Variants in SMARCA1 observed in about 807,000 individuals in gnomAD.
The protein encoded by SMARCA1 is SWI/SNF-related matrix-associated actin-dependent regulator of chromatin subfamily A member 1.
SMARCA1 carries 17 observed loss-of-function variants against 93.6 expected under a neutral mutation model. That is an observed-to-expected ratio of 0.18 (90% confidence interval 0.12 to 0.27). The LOEUF (loss-of-function observed/expected upper bound fraction) is 0.27, where lower values mean the gene tolerates loss of function less well. Among genes scored for constraint, SMARCA1 ranks in the 10% least tolerant of loss-of-function variants. The probability of loss-of-function intolerance (pLI) is 1.00; values close to 1 mark genes in which losing one functional copy is unlikely to be tolerated. For missense variants in SMARCA1, 630 were observed against 819.0 expected (o/e 0.77, Z 2.82); for synonymous variants, 271 against 271.4 (o/e 1.00, Z 0.01).
chrX:129,517,741 A>C (rs749180191), intron 2 of SMARCA1, among the ~76,000 whole-genome samples: 1 of 111,398 alleles, frequency 9.0e-6, no homozygotes, highest in Non-Finnish European at 1.9e-5. Context: ...ATCCAAGGTT[A>C]TAAGAGTTTA....
intron 6 of SMARCA1, among the ~76,000 whole-genome samples, chrX:129,509,267 T>G (rs2124328636): frequency 9.0e-6 from 1 of 111,281 alleles, no homozygotes; most frequent in South Asian, 3.8e-4. Context: ...AAGTCTTTAT[T>G]TCATAATTCA....
intron 1 of SMARCA1, among the ~76,000 whole-genome samples, chrX:129,522,418 G>C (rs1432734209): frequency 9.2e-6 from 1 of 109,172 alleles, no homozygotes; most frequent in Non-Finnish European, 1.9e-5. Context: ...AGGGACCATT[G>C]GGGTGGCCCT....
chrX:129,498,505 T>C lies in SMARCA1; in HGVS notation c.1278-434A>G, dbSNP rs757455073. On this transcript the variant is annotated intron_variant, in intron 10 of 24. Coordinates refer to ENST00000371121, the MANE Select transcript of SMARCA1 (RefSeq NM_001282874.2). ...ACCCCCACAGAGACTTACATATATA[T>C]ATACACCCGATCAATGATAATATGT... Among the ~76,000 whole-genome samples, 11 of 111,657 alleles carry C rather than the reference T, an allele frequency of 9.9e-5. No homozygotes were observed. In the Admixed American group the frequency reaches 1.0e-3, roughly 11 times the overall value.
intron 23 of SMARCA1, among the ~76,000 whole-genome samples, chrX:129,462,450 T>C (rs1267461341): frequency 8.9e-6 from 1 of 111,979 alleles, no homozygotes. Flanking sequence ...TCCATTTCTA[T>C]AATTTCCTAA....
At chrX:129,514,190 G>A (rs1362261843) in intron 5 of SMARCA1, among the ~76,000 whole-genome samples, 1 of 111,740 alleles carries the variant, frequency 8.9e-6, no homozygotes, top group Non-Finnish European at 1.9e-5. Context: ...GGTGGCGGGC[G>A]CCTGTAGTCC....
chrX:129,478,668 A>G (rs1933499016), intron 19 of SMARCA1, among the ~76,000 whole-genome samples: 1 of 112,162 alleles, frequency 8.9e-6, no homozygotes, highest in African/African-American at 3.2e-5. Flanking sequence ...TTTATATTCA[A>G]ACCAGACCGG....
intron 6 of SMARCA1, among the ~76,000 whole-genome samples, chrX:129,510,917 A>T (rs1309968069): frequency 1.8e-5 from 2 of 111,321 alleles, no homozygotes; most frequent in East Asian, 5.6e-4. Context: ...GTTAAATTTA[A>T]ATAAATTTAA....
intron 1 of SMARCA1, among the ~76,000 whole-genome samples, 159 bp downstream of exon 1, chrX:129,523,038 C>A (rs1780967946): frequency 9.0e-6 from 1 of 111,639 alleles, no homozygotes; most frequent in Non-Finnish European, 1.9e-5. Flanking sequence ...GGGAGGGGAG[C>A]GAACGCCAGG....
intron 19 of SMARCA1, among the ~76,000 whole-genome samples, chrX:129,475,046 A>G (rs1249332247): frequency 9.0e-6 from 1 of 110,602 alleles, no homozygotes; most frequent in African/African-American, 3.3e-5. Flanking sequence ...TTTTCTTTAT[A>G]AATTACCCAG....
chrX:129,523,434 T>G lies in SMARCA1; in HGVS notation c.-64A>C, dbSNP rs1811292810. On this transcript the variant is annotated 5_prime_UTR_variant, in exon 1 of 25. Transcript: ENST00000371121. Reference sequence around the variant, plus strand: ...GACGAGGGCTCCTGGGCGGCGGCAGTGGCTGCACTGGAAAGAGCTAGATGG... The same window carrying G: ...GACGAGGGCTCCTGGGCGGCGGCAGGGGCTGCACTGGAAAGAGCTAGATGG... 1 of 955,805 alleles carries G rather than the reference T, an allele frequency of 1.0e-6. No individual in the cohort carries two copies. The highest frequency in any genetic ancestry group is 2.9e-5 in the Admixed American group (1 of 34,677). 78.8% of individuals were successfully genotyped at this position (955,805 alleles called of 1,213,427 possible).
chrX:129,468,114 G>A (rs1932970262), intron 21 of SMARCA1, among the ~76,000 whole-genome samples: 1 of 112,589 alleles, frequency 8.9e-6, no homozygotes, highest in South Asian at 3.7e-4. Flanking sequence ...TGCCCTACAC[G>A]CTTCATCTGT....
intron 1 of SMARCA1, among the ~76,000 whole-genome samples, chrX:129,522,980 G>GCCCGCGCCCAGC (rs1935463086): frequency 1.9e-5 from 2 of 103,790 alleles, no homozygotes; most frequent in South Asian, 1.0e-3. Context: ...CGCCGCTCCC[G>GCCCGCGCCCAGC]CCCGCGCCCA....
intron 6 of SMARCA1, among the ~76,000 whole-genome samples, 187 bp from the exon 7 acceptor site, chrX:129,508,283 A>G (rs1329133137): frequency 8.9e-6 from 1 of 111,848 alleles, no homozygotes; most frequent in Non-Finnish European, 1.9e-5. Flanking sequence ...AATTATCTGG[A>G]TGACCTGCTA....
chrX:129,451,930 C>T (rs1661392592), intron 23 of SMARCA1, among the ~76,000 whole-genome samples: 2 of 111,466 alleles, frequency 1.8e-5, no homozygotes, highest in African/African-American at 6.5e-5. Context: ...GTCTCGATCT[C>T]CTGATCTTGT....
intron 19 of SMARCA1, among the ~76,000 whole-genome samples, chrX:129,479,624 GA>G (rs1343523112): frequency 5.9e-4 from 65 of 110,059 alleles, no homozygotes; most frequent in Non-Finnish European, 2.5e-4. Context: ...TCATAAAACA[GA>G]ACACTTCATA....
chrX:129,465,450 A>G (rs1932886533), intron 23 of SMARCA1, 70 bp downstream of exon 23: 1 of 659,250 alleles, frequency 1.5e-6, no homozygotes, highest in South Asian at 2.9e-5. Flanking sequence ...AATCTAGGTG[A>G]AGGATATATG....
intron 6 of SMARCA1, among the ~76,000 whole-genome samples, chrX:129,509,332 T>G (rs755527033): frequency 5.4e-5 from 6 of 111,314 alleles, no homozygotes; most frequent in Non-Finnish European, 9.4e-5. Context: ...ACTGATTGTC[T>G]ACTATGTATA....
At chrX:129,501,075 C>A (rs767596545) in intron 9 of SMARCA1, among the ~76,000 whole-genome samples, 1 of 111,565 alleles carries the variant, frequency 9.0e-6, no homozygotes, top group Non-Finnish European at 1.9e-5. Context: ...TTAATCCTTA[C>A]GATAAATCTG....
intron 9 of SMARCA1, among the ~76,000 whole-genome samples, chrX:129,503,958 C>G (rs376698929): frequency 2.2e-5 from 2 of 89,652 alleles, no homozygotes; most frequent in Non-Finnish European, 4.3e-5. Context: ...GAGCGAGACT[C>G]TCTCTCAAAA....
Sources: allele counts gnomAD v4.1 joint callset (sites outside exome capture counted in the v4.1 genomes callset), GRCh38; gene constraint gnomAD v4.1.1; transcripts MANE v1.5; gene names NCBI Gene and HGNC (gene_info 2026-07-23, HGNC 2026-07-21).